The following CNTN6 variants were observed in gnomAD, a reference collection of about 807,000 sequenced individuals.
The protein encoded by CNTN6 is contactin 6.
A neutral mutation model predicts 122.8 loss-of-function variants in CNTN6; 137 were observed. That is an observed-to-expected ratio of 1.12 (90% CI 0.97 to 1.29). CNTN6 has a LOEUF of 1.29. CNTN6 is among the 50% of genes most tolerant of loss of function. The probability of loss-of-function intolerance (pLI) is 0.00; values close to 1 mark genes in which losing one functional copy is unlikely to be tolerated. For missense variants in CNTN6, 1,634 were observed against 1,223.4 expected (o/e 1.34, Z -5.01); for synonymous variants, 570 against 426.0 (o/e 1.34, Z -4.16).
intron 2 of CNTN6, among the ~76,000 whole-genome samples, chr3:1,217,469 C>T (rs971363132): frequency 6.6e-6 from 1 of 151,918 alleles, no homozygotes; most frequent in Non-Finnish European, 1.5e-5. Context: ...GTTGAGACAC[C>T]CTCCTACAAA....
At chr3:1,210,390 G>A (rs1423385078) in intron 2 of CNTN6, among the ~76,000 whole-genome samples, 1 of 150,144 alleles carries the variant, frequency 6.7e-6, no homozygotes, top group Non-Finnish European at 1.5e-5. Flanking sequence ...GAAGGGAAGT[G>A]AAGGGAAGGG....
At chr3:1,168,526 CAA>C (rs1276985677) in intron 2 of CNTN6, among the ~76,000 whole-genome samples, 1 of 151,332 alleles carries the variant, frequency 6.6e-6, no homozygotes, top group East Asian at 1.9e-4. Flanking sequence ...ACTGACTAAA[CAA>C]GAGACGAGCT....
At chr3:1,375,795 C>T (rs114037622) in intron 16 of CNTN6, among the ~76,000 whole-genome samples, 171 of 151,838 alleles carry the variant, frequency 1.1e-3, no homozygotes, top group African/African-American at 4.0e-3. Flanking sequence ...AATTTAAATA[C>T]GAAAAGGTAT....
At chr3:1,378,554 T>A (rs1710210690) in intron 17 of CNTN6, among the ~76,000 whole-genome samples, 2 of 152,074 alleles carry the variant, frequency 1.3e-5, no homozygotes, top group South Asian at 4.1e-4. Flanking sequence ...GAACACTTGT[T>A]GAATGGAAGG....
chr3:1,388,130 C>T (rs950848166), intron 20 of CNTN6, among the ~76,000 whole-genome samples: 2 of 152,200 alleles, frequency 1.3e-5, no homozygotes, highest in South Asian at 2.1e-4. Context: ...AACAAAAAGA[C>T]AGCAGTAACG....
At chr3:1,137,951 A>C (rs542566075) in intron 1 of CNTN6, among the ~76,000 whole-genome samples, 52 of 152,336 alleles carry the variant, frequency 3.4e-4, no homozygotes, top group African/African-American at 1.1e-3. Context: ...AGACACAAAT[A>C]ATAAGTTTAA....
At chr3:1,312,135 G>T (rs1172265186) in intron 7 of CNTN6, among the ~76,000 whole-genome samples, 1 of 151,990 alleles carries the variant, frequency 6.6e-6, no homozygotes, top group Non-Finnish European at 1.5e-5. Flanking sequence ...CACTGTCAAA[G>T]ACCAGGGACC....
chr3:1,228,580 A>T (rs1462427184), intron 4 of CNTN6, among the ~76,000 whole-genome samples: 1 of 152,198 alleles, frequency 6.6e-6, no homozygotes, highest in East Asian at 1.9e-4. Flanking sequence ...AATATCCTTT[A>T]TATATAGTGT....
rs775258998 is a variant in CNTN6, at chr3:1,102,730, AAAAT to A, written c.-83+9620_-83+9623del. Among the ~76,000 whole-genome samples the A allele has an allele frequency of 8.9e-4, 134 of 150,276 alleles. 2 individuals are homozygous for A. The highest frequency in any genetic ancestry group is 3.0e-3 in the African/African-American group (125 of 41,266). On this transcript the variant is annotated intron_variant, in intron 1 of 22. Transcript: ENST00000446702. Reference sequence around the variant, plus strand: ...GCGACAGGGCGAGACTCCGTCTCAAAAAATAAATAAATACATAAATAAGAAATAG... The same window carrying A: ...GCGACAGGGCGAGACTCCGTCTCAAAAAATAAATACATAAATAAGAAATAG...
Position 1,176,292 on chromosome 3 carries a change from CT to C in CNTN6, c.55+28230del, listed in dbSNP as rs766733224. On this transcript the variant is annotated intron_variant, in intron 2 of 22. Transcript: ENST00000446702. ...ATTAGCTGGATATGGTGGTGAATGC[CT>C]GTAATCCCAGCTACTCGGGAGGCTG... is the stretch of plus-strand genomic sequence containing the variant. Among the ~76,000 whole-genome samples, 117 of 152,266 alleles carry C rather than the reference CT, an allele frequency of 7.7e-4. 1 individual carries two copies. The highest frequency in any genetic ancestry group is 6.9e-4 in the Non-Finnish European group (47 of 68,024).
At chr3:1,202,475 A>G (rs959217326) in intron 2 of CNTN6, among the ~76,000 whole-genome samples, 137 of 152,036 alleles carry the variant, frequency 9.0e-4, no homozygotes, top group Non-Finnish European at 1.7e-3. Context: ...CGGGGGGCGG[A>G]GCTTGCAGTG....
At chr3:1,325,681 C>T (rs1575709190) in intron 8 of CNTN6, 134 bp from the exon 9 acceptor site, 3 of 781,740 alleles carry the variant, frequency 3.8e-6, no homozygotes, top group South Asian at 2.8e-5. Context: ...TGTCCCCTCC[C>T]TCAAATCGTG....
intron 12 of CNTN6, among the ~76,000 whole-genome samples, chr3:1,362,581 G>A (rs1004826898): frequency 3.3e-5 from 5 of 151,974 alleles, no homozygotes; most frequent in African/African-American, 1.2e-4. Flanking sequence ...AGGGGAGGAT[G>A]CGTGAATAGA....
intron 2 of CNTN6, among the ~76,000 whole-genome samples, chr3:1,211,663 C>T (rs2094040009): frequency 1.3e-5 from 2 of 152,186 alleles, no homozygotes; most frequent in Middle Eastern, 3.4e-3. Context: ...CTCTCTCTAT[C>T]ATCTACTTAT....
intron 8 of CNTN6, among the ~76,000 whole-genome samples, chr3:1,325,144 A>G (rs749994401): frequency 6.6e-6 from 1 of 151,796 alleles, no homozygotes; most frequent in Non-Finnish European, 1.5e-5. Flanking sequence ...CTTTCACGTC[A>G]ATTATGCCAG....
intron 4 of CNTN6, among the ~76,000 whole-genome samples, chr3:1,245,256 A>AT (rs4065405): frequency 2.5e-4 from 1 of 4,024 alleles, no homozygotes; most frequent in South Asian, 0.026. Flanking sequence ...ATATATATAT[A>AT]ACATATATAT....
intron 1 of CNTN6, among the ~76,000 whole-genome samples, chr3:1,136,777 A>G (rs949955375): frequency 4.6e-5 from 7 of 152,184 alleles, no homozygotes; most frequent in Non-Finnish European, 8.8e-5. Context: ...GATGAAAAAC[A>G]TGGACTCAGG....
chr3:1,274,329 A>G (rs949806376), intron 4 of CNTN6, among the ~76,000 whole-genome samples: 3 of 152,174 alleles, frequency 2.0e-5, no homozygotes, highest in Admixed American at 2.0e-4. Flanking sequence ...CCAAAGAAGA[A>G]AGGAAGCATA....
intron 7 of CNTN6, among the ~76,000 whole-genome samples, chr3:1,300,493 A>AAGGAAGGAAGGG (rs1233689441): frequency 0.018 from 2,123 of 119,528 alleles, 38 homozygotes; most frequent in Middle Eastern, 0.031. Flanking sequence ...GGAAGGAAGG[A>AAGGAAGGAAGGG]AAAAGAAAAG....
Sources: gnomAD v4.1 joint callset for allele counts (sites outside exome capture counted in the v4.1 genomes callset) on GRCh38, gnomAD v4.1.1 for gene constraint, MANE v1.5 for transcripts, NCBI Gene and HGNC (gene_info 2026-07-23, HGNC 2026-07-21) for gene names.